FUT8: variants seen among roughly 807,000 people sequenced by gnomAD.
The protein encoded by FUT8 is fucosyltransferase 8.
In FUT8, 29 loss-of-function variants were observed where a neutral mutation model predicts 71.3. The observed-to-expected ratio is 0.41, with a 90% confidence interval of 0.30 to 0.55. The LOEUF is 0.55. Ranked by LOEUF, FUT8 falls within the 20% of genes least tolerant of loss-of-function variation. The probability of loss-of-function intolerance (pLI) is 0.34; values close to 1 mark genes in which losing one functional copy is unlikely to be tolerated. For synonymous variants in FUT8, 254 were observed against 239.3 expected (o/e 1.06, Z -0.57); for missense variants, 544 against 702.1 (o/e 0.77, Z 2.55).
chr14:65,463,078 T>G (rs1190525149), intron 2 of FUT8, among the ~76,000 whole-genome samples: 1 of 152,156 alleles, frequency 6.6e-6, no homozygotes, highest in Non-Finnish European at 1.5e-5. Context: ...TTTAATTAAT[T>G]TTAGAAGATA....
chr14:65,358,292 G>T, the FUT8 span, among the ~76,000 whole-genome samples: 1 of 151,990 alleles, frequency 6.6e-6, no homozygotes, highest in Admixed American at 6.6e-5. Flanking sequence ...ACATCACATT[G>T]TATCCCATAA....
At chr14:65,658,328 G>T (rs1252607041) in intron 6 of FUT8, among the ~76,000 whole-genome samples, 2 of 152,118 alleles carry the variant, frequency 1.3e-5, no homozygotes, top group Non-Finnish European at 2.9e-5. Flanking sequence ...GCTCTTTCAT[G>T]CATTGCTTAT....
Position 65,742,302 on chromosome 14 carries a change from T to C in FUT8, c.1620T>C (p.Ser540=), listed in dbSNP as rs754072196. The C allele has an allele frequency of 1.9e-6, 3 of 1,612,956 alleles. No individual in the cohort carries two copies. The South Asian group carries it at 3.3e-5, about 18-fold the overall frequency. ...CTGGAAATCATTGGGATGGCTATTC[T>C]AAAGGTGTCAACAGGAAATTGGGAA... ...GVAGNHWDGY[S]KGVNRKLGRT... Residue 540 remains serine (S), a synonymous_variant, in exon 11 of 11, where the codon TCT becomes TCC. Transcript: ENST00000673929.
intron 6 of FUT8, among the ~76,000 whole-genome samples, chr14:65,647,484 G>A (rs558537257): frequency 8.5e-5 from 13 of 152,254 alleles, no homozygotes; most frequent in African/African-American, 2.6e-4. Context: ...CTTTCTCTGG[G>A]TTATAAAAAC....
At chr14:65,386,556 G>A in the FUT8 span, among the ~76,000 whole-genome samples, 2 of 146,808 alleles carry the variant, frequency 1.4e-5, no homozygotes, top group Admixed American at 6.8e-5. Context: ...TTGGGTCTTC[G>A]TTTTTTAATA....
In FUT8 at chr14:65,510,804, T is replaced by C. The variant is rs1882290846; in HGVS notation, c.-227-50533T>C. ...TTGTTACCTCTGATTTATTTGGATC[T>C]TCTTTTTTCCTTAGTCTGGCTTAAG... On this transcript the variant is annotated intron_variant, in intron 2 of 10. Coordinates refer to ENST00000673929, the MANE Select transcript of FUT8 (RefSeq NM_001371533.1). 2.0e-5 allele frequency among the ~76,000 whole-genome samples: 3 copies of C among 152,082 alleles called. No homozygotes were observed. The South Asian group carries it at 6.2e-4, about 31-fold the overall frequency.
intron 7 of FUT8, among the ~76,000 whole-genome samples, chr14:65,696,608 T>G (rs2140463089): frequency 6.6e-6 from 1 of 152,240 alleles, no homozygotes; most frequent in South Asian, 2.1e-4. Context: ...AGATTTGTGG[T>G]TTTGTGTCTC....
intron 5 of FUT8, among the ~76,000 whole-genome samples, chr14:65,624,284 CTT>C (rs61702275): frequency 0.59 from 85,579 of 145,616 alleles, 25,072 homozygotes; most frequent in Admixed American, 0.65. Context: ...TTAGTGTACT[CTT>C]TTTTTTTTTT....
intron 2 of FUT8, chr14:65,468,176 A>G (rs1566766021): frequency 7.9e-6 from 5 of 635,540 alleles, no homozygotes; most frequent in Non-Finnish European, 1.5e-5. Context: ...TTGCCATGAT[A>G]ACACTCGCGG....
chr14:65,666,901 T>C (rs1892243752), intron 6 of FUT8, among the ~76,000 whole-genome samples: 1 of 152,172 alleles, frequency 6.6e-6, no homozygotes, highest in South Asian at 2.1e-4. Context: ...ATTCATCACA[T>C]AGGCAGAACT....
intron 6 of FUT8, among the ~76,000 whole-genome samples, chr14:65,659,588 G>T (rs1293973969): frequency 6.6e-6 from 1 of 152,126 alleles, no homozygotes; most frequent in Non-Finnish European, 1.5e-5. Context: ...AAAAGGCCGA[G>T]AACTGATACT....
chr14:65,495,043 T>G (rs1378209853), intron 2 of FUT8, among the ~76,000 whole-genome samples: 2 of 152,062 alleles, frequency 1.3e-5, no homozygotes, highest in African/African-American at 4.8e-5. Context: ...TCTTACTTAG[T>G]GTGAAACATG....
intron 1 of FUT8, among the ~76,000 whole-genome samples, chr14:65,434,935 C>G (rs967184409): frequency 6.6e-6 from 1 of 152,120 alleles, no homozygotes; most frequent in Non-Finnish European, 1.5e-5. Context: ...TGTATCTACC[C>G]TCATAATCAA....
chr14:65,626,514 G>A (rs1194075203), intron 5 of FUT8, among the ~76,000 whole-genome samples: 2 of 152,080 alleles, frequency 1.3e-5, no homozygotes, highest in Non-Finnish European at 2.9e-5. Context: ...TTAGAAGCCT[G>A]GACTTTAAAA....
chr14:65,664,650 T>C (rs1200441574), intron 6 of FUT8, among the ~76,000 whole-genome samples: 1 of 152,136 alleles, frequency 6.6e-6, no homozygotes, highest in Admixed American at 6.6e-5. Flanking sequence ...TCTCAGTCTT[T>C]CCTTTGGAAT....
the FUT8 span, among the ~76,000 whole-genome samples, chr14:65,374,991 T>C: frequency 6.6e-6 from 1 of 152,144 alleles, no homozygotes; most frequent in Non-Finnish European, 1.5e-5. Context: ...TGTTGTTTAT[T>C]GCCTTACAAT....
intron 2 of FUT8, among the ~76,000 whole-genome samples, chr14:65,558,551 C>T (rs1480811700): frequency 6.6e-6 from 1 of 152,142 alleles, no homozygotes; most frequent in Non-Finnish European, 1.5e-5. Context: ...TTAGTGCCAA[C>T]TAAGTGCCAA....
chr14:65,679,469 C>G (rs570946921), intron 7 of FUT8, among the ~76,000 whole-genome samples: 3 of 152,244 alleles, frequency 2.0e-5, no homozygotes, highest in Admixed American at 2.0e-4. Flanking sequence ...ATTTTATGGC[C>G]TGTCATAAAT....
At chr14:65,554,204 A>T (rs1391840795) in intron 2 of FUT8, among the ~76,000 whole-genome samples, 2 of 151,976 alleles carry the variant, frequency 1.3e-5, no homozygotes, top group Middle Eastern at 3.4e-3. Flanking sequence ...AATTCTGTTG[A>T]AGATTTTCTG....
Sources: allele counts gnomAD v4.1 joint callset (sites outside exome capture counted in the v4.1 genomes callset), GRCh38; gene constraint gnomAD v4.1.1; transcripts MANE v1.5; gene names NCBI Gene and HGNC (gene_info 2026-07-23, HGNC 2026-07-21).